Variants in FAF1 observed in about 807,000 individuals in gnomAD.
FAF1 encodes the protein FAS-associated factor 1.
FAF1 carries 25 observed loss-of-function variants against 92.5 expected under a neutral mutation model. That is an observed-to-expected ratio of 0.27 (90% CI 0.20 to 0.38). The LOEUF (loss-of-function observed/expected upper bound fraction) is 0.38, where lower values mean the gene tolerates loss of function less well. FAF1 is among the 10% of genes least tolerant of loss of function. FAF1 has a pLI of 1.00. For synonymous variants in FAF1, 234 were observed against 273.2 expected (o/e 0.86, Z 1.42); for missense variants, 636 against 793.3 (o/e 0.80, Z 2.38).
At chr1:50,687,957 A>G (rs1656744525) in intron 7 of FAF1, among the ~76,000 whole-genome samples, 1 of 151,556 alleles carries the variant, frequency 6.6e-6, no homozygotes, top group Admixed American at 6.6e-5. Context: ...AACACAGTGA[A>G]ACCCTGTCTC....
chr1:50,920,872 G>T (rs1644956948), intron 1 of FAF1, among the ~76,000 whole-genome samples: 1 of 152,162 alleles, frequency 6.6e-6, no homozygotes, highest in South Asian at 2.1e-4. Flanking sequence ...TGTAAAGAAT[G>T]TTTGCTGTCA....
At chr1:50,699,441 T>G (rs979958674) in intron 7 of FAF1, among the ~76,000 whole-genome samples, 7 of 152,066 alleles carry the variant, frequency 4.6e-5, no homozygotes, top group African/African-American at 1.7e-4. Flanking sequence ...CAAAGTAAGA[T>G]TATTAATTAT....
At chr1:50,724,707 A>G (rs1156331355) in intron 6 of FAF1, among the ~76,000 whole-genome samples, 1 of 152,220 alleles carries the variant, frequency 6.6e-6, no homozygotes, top group Non-Finnish European at 1.5e-5. Flanking sequence ...AATAGAGCCA[A>G]TTAGAATTAC....
chr1:50,550,062 G>A (rs1487487729), intron 13 of FAF1, among the ~76,000 whole-genome samples: 4 of 151,788 alleles, frequency 2.6e-5, no homozygotes, highest in African/African-American at 9.7e-5. Flanking sequence ...AAAAATGTGG[G>A]AGTGCATGGC....
At chr1:50,812,991 C>G (rs1029771278) in intron 2 of FAF1, among the ~76,000 whole-genome samples, 1 of 152,126 alleles carries the variant, frequency 6.6e-6, no homozygotes, top group Admixed American at 6.6e-5. Context: ...ATAGTGTGTT[C>G]TCACTTATAA....
intron 2 of FAF1, among the ~76,000 whole-genome samples, chr1:50,835,710 C>T (rs1419052920): frequency 4.6e-5 from 7 of 151,880 alleles, no homozygotes; most frequent in South Asian, 2.1e-4. Context: ...TGAAAATCAT[C>T]GAACACATAG....
chr1:50,924,756 G>A (rs1644990877), intron 1 of FAF1, among the ~76,000 whole-genome samples: 1 of 152,200 alleles, frequency 6.6e-6, no homozygotes. Context: ...GCTGAGGTGG[G>A]TGGATCACCT....
intron 9 of FAF1, among the ~76,000 whole-genome samples, chr1:50,594,600 C>T (rs1295781166): frequency 1.7e-5 from 2 of 115,706 alleles, no homozygotes; most frequent in Non-Finnish European, 3.3e-5. Context: ...TGGCTCACAC[C>T]TGTAATCCCA....
At chr1:50,659,901 GAATT>G (rs755835165) in intron 7 of FAF1, among the ~76,000 whole-genome samples, 218 of 152,174 alleles carry the variant, frequency 1.4e-3, no homozygotes, top group Non-Finnish European at 1.9e-3. Context: ...TAATAGTATA[GAATT>G]AATATGGTAC....
At position 50,680,972 on chromosome 1, in the gene FAF1, C is replaced by T. The variant is rs369172958; in HGVS notation, c.657+24814G>A. ...ATCTATATGGTTACCTTAACAGATG[C>T]ATTTACATATACAAACTAGCCATAT... On this transcript the variant is annotated intron_variant, in intron 7 of 18. Coordinates refer to ENST00000396153, the MANE Select transcript of FAF1 (RefSeq NM_007051.3). Among the ~76,000 whole-genome samples the T allele has an allele frequency of 3.5e-4, 54 of 152,162 alleles. 4 individuals carry two copies. Among genetic ancestry groups the T allele is most frequent in the African/African-American group, 1.3e-3 (53 of 41,520 alleles).
intron 4 of FAF1, among the ~76,000 whole-genome samples, chr1:50,760,793 C>T (rs562929039): frequency 6.6e-6 from 1 of 152,098 alleles, no homozygotes; most frequent in South Asian, 2.1e-4. Flanking sequence ...AAAGCAAAAG[C>T]AAACACATTC....
chr1:50,940,755 G>A (rs1396999836), intron 1 of FAF1, among the ~76,000 whole-genome samples: 2 of 152,168 alleles, frequency 1.3e-5, no homozygotes, highest in Admixed American at 6.5e-5. Flanking sequence ...ACTGATGAAC[G>A]TAAAAGTGAC....
intron 7 of FAF1, among the ~76,000 whole-genome samples, chr1:50,659,823 T>C (rs1033785339): frequency 1.3e-5 from 2 of 152,224 alleles, no homozygotes; most frequent in African/African-American, 4.8e-5. Context: ...ATAGTTTAAT[T>C]TCTTCCATAT....
intron 8 of FAF1, among the ~76,000 whole-genome samples, chr1:50,615,615 T>G (rs1652878886): frequency 1.3e-5 from 2 of 152,242 alleles, no homozygotes; most frequent in African/African-American, 4.8e-5. Flanking sequence ...TGCATTCCTC[T>G]GATGATTAGC....
intron 17 of FAF1, 79 bp from the exon 18 acceptor site, chr1:50,475,758 A>T (rs1288162247): frequency 8.9e-6 from 8 of 903,694 alleles, no homozygotes; most frequent in Non-Finnish European, 1.3e-5. Flanking sequence ...ACCAGAAAAA[A>T]AGCTGCTGTT....
At chr1:50,739,385 T>TGTGTACACATACATACATATAC (rs1557502908) in intron 5 of FAF1, among the ~76,000 whole-genome samples, 1 of 142,614 alleles carries the variant, frequency 7.0e-6, no homozygotes, top group African/African-American at 2.8e-5. Context: ...CATATACATA[T>TGTGTACACATACATACATATAC]ATGTGTGTTT....
At chr1:50,631,844 G>C (rs1653805027) in intron 8 of FAF1, among the ~76,000 whole-genome samples, 3 of 152,180 alleles carry the variant, frequency 2.0e-5, no homozygotes, top group Admixed American at 1.3e-4. Flanking sequence ...TGTTGCACCA[G>C]AAAGCATTGA....
chr1:50,742,438 T>C (rs907772801), intron 5 of FAF1, among the ~76,000 whole-genome samples: 1 of 151,928 alleles, frequency 6.6e-6, no homozygotes, highest in African/African-American at 2.4e-5. Context: ...GGATGGAGTG[T>C]AGTGGCAAAA....
At chr1:50,475,752 G>C in intron 17 of FAF1, 73 bp from the exon 18 acceptor site, 1 of 948,578 alleles carries the variant, frequency 1.1e-6, no homozygotes. Context: ...GAAGACACCA[G>C]AAAAAAAGCT....
Sources: gnomAD v4.1 joint callset for allele counts (sites outside exome capture counted in the v4.1 genomes callset) on GRCh38, gnomAD v4.1.1 for gene constraint, MANE v1.5 for transcripts, NCBI Gene and HGNC (gene_info 2026-07-23, HGNC 2026-07-21) for gene names.